Variants in FBXO42 observed in about 807,000 individuals in gnomAD.
FBXO42 encodes the protein F-box protein 42.
A neutral mutation model predicts 71.7 loss-of-function variants in FBXO42; 12 were observed. The observed-to-expected ratio is 0.17, with a 90% CI of 0.11 to 0.27. FBXO42 has a LOEUF of 0.27. Ranked by LOEUF, FBXO42 falls within the 10% of genes least tolerant of loss-of-function variation. The pLI is 1.00. For missense variants in FBXO42, 707 were observed against 911.9 expected (o/e 0.78, Z 2.89); for synonymous variants, 325 against 327.5 (o/e 0.99, Z 0.08).
At chr1:16,259,772 AAAAAAAAAGAAAGAAAG>A (rs1464192288) in intron 4 of FBXO42, among the ~76,000 whole-genome samples, 25 of 151,838 alleles carry the variant, frequency 1.6e-4, no homozygotes, top group African/African-American at 5.3e-4. Context: ...TCTCAAAAAA[AAAAAAAAAGAAAGAAAG>A]AAAAAAAAGA....
intron 4 of FBXO42, among the ~76,000 whole-genome samples, chr1:16,282,029 T>G (rs2081969148): frequency 6.6e-6 from 1 of 151,762 alleles, no homozygotes; most frequent in South Asian, 2.1e-4. Flanking sequence ...AAGCAGCCAC[T>G]GAGAGCACAG....
intron 1 of FBXO42, among the ~76,000 whole-genome samples, chr1:16,319,890 A>C (rs1275269182): frequency 6.6e-6 from 1 of 151,868 alleles, no homozygotes; most frequent in Non-Finnish European, 1.5e-5. Flanking sequence ...TAGCCTGGGC[A>C]ACAGAGTGAG....
intron 1 of FBXO42, among the ~76,000 whole-genome samples, chr1:16,338,643 G>A (rs2082575098): frequency 6.6e-6 from 1 of 151,890 alleles, no homozygotes; most frequent in African/African-American, 2.4e-5. Flanking sequence ...AGTGTTTCAA[G>A]AGGAATTCAA....
intron 4 of FBXO42, among the ~76,000 whole-genome samples, chr1:16,268,259 A>G (rs568472285): frequency 6.6e-6 from 1 of 152,334 alleles, no homozygotes; most frequent in South Asian, 2.1e-4. Flanking sequence ...AAACTGAAAT[A>G]TGGTAAAATC....
chr1:16,339,456 G>C (rs1218338708), intron 1 of FBXO42, among the ~76,000 whole-genome samples: 1 of 152,028 alleles, frequency 6.6e-6, no homozygotes, highest in African/African-American at 2.4e-5. Context: ...GGGACTACAG[G>C]TGCGTGCCAC....
intron 1 of FBXO42, among the ~76,000 whole-genome samples, chr1:16,338,354 C>CAAAAAAAAAAA (rs55865669): frequency 3.7e-5 from 4 of 108,144 alleles, no homozygotes; most frequent in Admixed American, 1.1e-4. Flanking sequence ...GCCCTATCTC[C>CAAAAAAAAAAA]AAAAAAAAAA....
intron 1 of FBXO42, among the ~76,000 whole-genome samples, chr1:16,316,730 CAAAAAAAAAAA>C (rs71003274): frequency 3.9e-5 from 2 of 51,572 alleles, no homozygotes; most frequent in Non-Finnish European, 6.8e-5. Flanking sequence ...GAAAGACTCT[CAAAAAAAAAAA>C]AAAAAAAAAA....
intron 4 of FBXO42, among the ~76,000 whole-genome samples, chr1:16,287,008 C>T (rs2082028507): frequency 6.6e-6 from 1 of 152,216 alleles, no homozygotes; most frequent in Non-Finnish European, 1.5e-5. Context: ...CTCCTTGCTT[C>T]CATACTTGCC....
intron 1 of FBXO42, among the ~76,000 whole-genome samples, chr1:16,317,378 G>A (rs1275389326): frequency 4.6e-5 from 7 of 152,002 alleles, no homozygotes; most frequent in Admixed American, 6.6e-5. Context: ...AGATCACTCC[G>A]CACTCCAGCC....
At chr1:16,275,529 G>A (rs1329926038) in intron 4 of FBXO42, among the ~76,000 whole-genome samples, 1 of 152,100 alleles carries the variant, frequency 6.6e-6, no homozygotes, top group East Asian at 1.9e-4. Flanking sequence ...TGAAGCAGGA[G>A]GATCGCTTGA....
intron 4 of FBXO42, among the ~76,000 whole-genome samples, chr1:16,288,710 C>T (rs1472924591): frequency 6.6e-6 from 1 of 152,008 alleles, no homozygotes; most frequent in Non-Finnish European, 1.5e-5. Context: ...GTAATCCCAG[C>T]ACTTTGGGAG....
chr1:16,325,432 T>C (rs2082441535), intron 1 of FBXO42, among the ~76,000 whole-genome samples: 1 of 152,092 alleles, frequency 6.6e-6, no homozygotes, highest in African/African-American at 2.4e-5. Context: ...AATAGAATAA[T>C]TTGGCATAAC....
chr1:16,324,032 CT>C (rs2082430915), intron 1 of FBXO42, among the ~76,000 whole-genome samples: 1 of 152,012 alleles, frequency 6.6e-6, no homozygotes, highest in Non-Finnish European at 1.5e-5. Context: ...TGAAAATATA[CT>C]GTTGAATGAG....
Position 16,266,142 on chromosome 1 carries a change from C to T in FBXO42, c.503-9383G>A, listed in dbSNP as rs148370456. On this transcript the variant is annotated intron_variant, in intron 4 of 9. Transcript: ENST00000375592. Reference sequence around the variant, plus strand: ...AAAAGTCAGAACCCTTTCTACCCCACGGAAAATGGCTATTTTCATGGCTGT... The same window carrying T: ...AAAAGTCAGAACCCTTTCTACCCCATGGAAAATGGCTATTTTCATGGCTGT... Among the ~76,000 whole-genome samples the T allele has an allele frequency of 1.8e-3, 271 of 152,030 alleles. No individual in the cohort carries two copies. In the Middle Eastern group the frequency reaches 0.034, roughly 19 times the overall value.
intron 1 of FBXO42, among the ~76,000 whole-genome samples, chr1:16,328,131 T>A (rs756908142): frequency 5.1e-4 from 77 of 152,108 alleles, no homozygotes; most frequent in Admixed American, 1.7e-3. Flanking sequence ...CCCACATTTG[T>A]CAAAACCCAC....
At chr1:16,258,210 T>C (rs929509261) in intron 4 of FBXO42, among the ~76,000 whole-genome samples, 9 of 152,092 alleles carry the variant, frequency 5.9e-5, no homozygotes, top group African/African-American at 2.2e-4. Flanking sequence ...ACTTACAAAG[T>C]CTCAAGGTTG....
intron 4 of FBXO42, among the ~76,000 whole-genome samples, chr1:16,284,339 C>T (rs755731485): frequency 6.6e-6 from 1 of 152,184 alleles, no homozygotes; most frequent in Non-Finnish European, 1.5e-5. Context: ...ACCCACTCAC[C>T]AGCACCTGCA....
At position 16,339,277 on chromosome 1, in the gene FBXO42, C is replaced by T. The variant is rs550744151; in HGVS notation, c.-18+12978G>A. 4.6e-5 allele frequency among the ~76,000 whole-genome samples: 7 copies of T among 152,158 alleles called. No homozygotes were observed. The South Asian group carries it at 8.3e-4, about 18-fold the overall frequency. On this transcript the variant is annotated intron_variant, in intron 1 of 9. Transcript: ENST00000375592. ...GAAGTCCATCTATACCATTACTTAT[C>T]GACACAATGTCACACTATTTCATAT... is the stretch of plus-strand genomic sequence containing the variant.
Position 16,250,602 on chromosome 1 carries a change from T to C in FBXO42, c.*68A>G. 2 of 1,529,920 alleles carry C rather than the reference T, an allele frequency of 1.3e-6. No homozygotes were observed. Among genetic ancestry groups the C allele is most frequent in the Non-Finnish European group, 1.8e-6 (2 of 1,138,402 alleles). The allele number at this position is 1,529,920 out of a possible 1,614,324, so 94.8% of individuals were successfully genotyped here. A position where few individuals can be genotyped will look rare whatever the true frequency, so the allele number is the denominator to read the frequency against. On this transcript the variant is annotated 3_prime_UTR_variant, in exon 10 of 10. Transcript: ENST00000375592. The surrounding 1 kb of genome is among the most constrained non-coding windows in gnomAD (Gnocchi z 4.7). ...GTAATTTTGTTTTCCCAATTCTCAG[T>C]CCAAATGCTTACACACTGGAAAATT...
Sources: allele counts gnomAD v4.1 joint callset (sites outside exome capture counted in the v4.1 genomes callset), GRCh38; gene constraint gnomAD v4.1.1; non-coding constraint Gnocchi (gnomAD v3.1); transcripts MANE v1.5; gene names NCBI Gene and HGNC (gene_info 2026-07-23, HGNC 2026-07-21).